NCAM2: variants seen among roughly 807,000 people sequenced by gnomAD.
The protein encoded by NCAM2 is N-CAM-2.
NCAM2 carries 30 observed loss-of-function variants against 98.1 expected under a neutral mutation model. The ratio of observed to expected loss-of-function variants is 0.31; its 90% CI spans 0.23 to 0.41. The LOEUF (loss-of-function observed/expected upper bound fraction) is 0.41, where lower values mean the gene tolerates loss of function less well. Among genes scored for constraint, NCAM2 ranks in the 10% least tolerant of loss-of-function variants. The probability of loss-of-function intolerance (pLI) is 1.00; values close to 1 mark genes in which losing one functional copy is unlikely to be tolerated. For synonymous variants in NCAM2, 368 were observed against 342.4 expected, an observed-to-expected ratio of 1.07 and a Z score of -0.83; for missense variants, 867 against 1,005.8, an observed-to-expected ratio of 0.86 and a Z score of 1.87.
chr21:21,355,338 C>T (rs907524927), intron 8 of NCAM2, among the ~76,000 whole-genome samples: 4 of 149,570 alleles, frequency 2.7e-5, no homozygotes, highest in African/African-American at 4.9e-5. Flanking sequence ...GGGACGGGGC[C>T]GGGAAAAGGG....
At chr21:21,281,017 C>T (rs373305020) in intron 2 of NCAM2, among the ~76,000 whole-genome samples, 11 of 152,080 alleles carry the variant, frequency 7.2e-5, no homozygotes, top group Non-Finnish European at 1.6e-4. Flanking sequence ...TCTCAAACTT[C>T]TGACCTCAAG....
chr21:21,112,727 G>C (rs1196418737), intron 1 of NCAM2, among the ~76,000 whole-genome samples: 1 of 152,160 alleles, frequency 6.6e-6, no homozygotes, highest in Admixed American at 6.6e-5. Flanking sequence ...TAAAAGAACA[G>C]TGCAGATCAT....
chr21:21,069,908 G>C (rs1300700044), intron 1 of NCAM2, among the ~76,000 whole-genome samples: 2 of 152,024 alleles, frequency 1.3e-5, no homozygotes, highest in Non-Finnish European at 2.9e-5. Flanking sequence ...TTTTTTAATA[G>C]TGTCCTGTAC....
intron 5 of NCAM2, among the ~76,000 whole-genome samples, chr21:21,317,771 G>A (rs2074262258): frequency 6.6e-6 from 1 of 152,044 alleles, no homozygotes. Flanking sequence ...CTGGGCTCAG[G>A]TGATTCTCCT....
intron 1 of NCAM2, among the ~76,000 whole-genome samples, chr21:21,129,035 A>C (rs143261368): frequency 2.3e-3 from 350 of 152,318 alleles, no homozygotes; most frequent in African/African-American, 7.9e-3. Context: ...TCAAATTTTA[A>C]ATTATTTTAT....
intron 1 of NCAM2, among the ~76,000 whole-genome samples, chr21:21,116,992 T>C (rs749483809): frequency 1.3e-5 from 2 of 152,246 alleles, no homozygotes; most frequent in Admixed American, 6.5e-5. Flanking sequence ...AAAATTCTTG[T>C]GTTTTTAAAT....
chr21:21,303,521 C>T (rs2073789119), intron 5 of NCAM2, among the ~76,000 whole-genome samples: 1 of 151,860 alleles, frequency 6.6e-6, no homozygotes, highest in South Asian at 2.1e-4. Context: ...ACCCATTCAC[C>T]AAAATGGCTT....
chr21:21,342,999 C>T (rs2075087286), intron 8 of NCAM2, among the ~76,000 whole-genome samples: 1 of 152,116 alleles, frequency 6.6e-6, no homozygotes, highest in African/African-American at 2.4e-5. Context: ...CTTCAGGATT[C>T]TGTTAAAGTG....
At chr21:21,157,348 G>A (rs533627672) in intron 1 of NCAM2, among the ~76,000 whole-genome samples, 49 of 152,112 alleles carry the variant, frequency 3.2e-4, no homozygotes, top group African/African-American at 1.2e-3. Context: ...GCTGCACATG[G>A]CGTTATAGTC....
At chr21:21,227,522 A>G (rs1256460391) in intron 1 of NCAM2, among the ~76,000 whole-genome samples, 1 of 151,860 alleles carries the variant, frequency 6.6e-6, no homozygotes, top group Non-Finnish European at 1.5e-5. Context: ...TTAATAAAAT[A>G]ATATGCAAAT....
chr21:21,118,223 G>A (rs554640413), intron 1 of NCAM2, among the ~76,000 whole-genome samples: 1 of 152,278 alleles, frequency 6.6e-6, no homozygotes, highest in African/African-American at 2.4e-5. Flanking sequence ...TTCAATAGCT[G>A]TGATTAATTA....
chr21:21,049,265 C>T (rs577967591), intron 1 of NCAM2, among the ~76,000 whole-genome samples: 15 of 151,466 alleles, frequency 9.9e-5, no homozygotes, highest in East Asian at 2.0e-4. Flanking sequence ...ATGATCCACC[C>T]GCCTCGGCCT....
chr21:21,194,024 A>G (rs1198319941), intron 1 of NCAM2, among the ~76,000 whole-genome samples: 2 of 152,116 alleles, frequency 1.3e-5, no homozygotes, highest in Non-Finnish European at 2.9e-5. Context: ...ATATTACACA[A>G]TTTTCCAAAA....
chr21:21,204,948 G>T (rs1208515215), intron 1 of NCAM2, among the ~76,000 whole-genome samples: 2 of 151,898 alleles, frequency 1.3e-5, no homozygotes, highest in Non-Finnish European at 2.9e-5. Flanking sequence ...GTGTAAGTTC[G>T]AACTCTCCTT....
At chr21:21,071,150 T>G (rs8134284) in intron 1 of NCAM2, among the ~76,000 whole-genome samples, 5,634 of 152,254 alleles carry the variant, frequency 0.037, 326 homozygotes, top group African/African-American at 0.13. Flanking sequence ...ACTGATATAC[T>G]AATTCCTATG....
chr21:21,244,864 A>AAG (rs2071204368), intron 1 of NCAM2, among the ~76,000 whole-genome samples: 1 of 150,366 alleles, frequency 6.7e-6, no homozygotes, highest in Non-Finnish European at 1.5e-5. Flanking sequence ...AAAAAAAAAA[A>AAG]GGACATACGG....
At chr21:21,309,294 C>T (rs574409479) in intron 5 of NCAM2, among the ~76,000 whole-genome samples, 1 of 152,000 alleles carries the variant, frequency 6.6e-6, no homozygotes, top group African/African-American at 2.4e-5. Context: ...TTGTTCTTTT[C>T]AATATTTTAG....
intron 1 of NCAM2, among the ~76,000 whole-genome samples, chr21:21,040,482 T>C (rs966095001): frequency 1.3e-5 from 2 of 152,078 alleles, no homozygotes; most frequent in Admixed American, 6.6e-5. Flanking sequence ...AAACGTCCAC[T>C]ATAGAAATGA....
rs182159836 is a variant in NCAM2 at position 21,280,476 on chromosome 21, G to A, written c.56-102G>A. 4.5e-5 allele frequency: 32 copies of A among 710,830 alleles called. No individual in the cohort carries two copies. The African/African-American group carries it at 5.7e-4, about 13-fold the overall frequency. The allele number at this position is 710,830 out of a possible 1,614,324, so 44.0% of individuals were successfully genotyped here. Reference sequence around the variant, plus strand: ...TTTATAGGTAATAAAAAATTGGGGGGAAATAATCAGCGTTTGGACCATGTG... The same window carrying A: ...TTTATAGGTAATAAAAAATTGGGGGAAAATAATCAGCGTTTGGACCATGTG... On this transcript the variant is annotated intron_variant, in intron 1 of 17. Coordinates refer to ENST00000400546, the MANE Select transcript of NCAM2 (RefSeq NM_004540.5).
Sources: gnomAD v4.1 joint callset for allele counts (sites outside exome capture counted in the v4.1 genomes callset) on GRCh38, gnomAD v4.1.1 for gene constraint, MANE v1.5 for transcripts, NCBI Gene and HGNC (gene_info 2026-07-23, HGNC 2026-07-21) for gene names.